MAD1L1: variants seen among roughly 807,000 people sequenced by gnomAD.
MAD1L1 encodes the protein mitotic arrest deficient 1 like 1.
Under a neutral mutation model 96.9 loss-of-function variants are expected in MAD1L1, and 95 were observed. The ratio of observed to expected loss-of-function variants is 0.98; its 90% CI spans 0.83 to 1.16. The LOEUF (loss-of-function observed/expected upper bound fraction) is 1.16. MAD1L1 is among the 50% of genes most tolerant of loss of function. The probability of loss-of-function intolerance (pLI) is 0.00; values close to 1 mark genes in which losing one functional copy is unlikely to be tolerated. For synonymous variants in MAD1L1, 473 were observed against 396.6 expected (o/e 1.19, Z -2.29); for missense variants, 1,007 against 954.4 (o/e 1.06, Z -0.73).
Position 2,115,234 on chromosome 7 carries a change from G to A in MAD1L1, c.1073+33918C>T, listed in dbSNP as rs535006633. Among the ~76,000 whole-genome samples the A allele has an allele frequency of 7.3e-5, 11 of 150,582 alleles. No homozygotes were observed. In the South Asian group the frequency reaches 1.3e-3, roughly 17 times the overall value. On this transcript the variant is annotated intron_variant, in intron 11 of 18. Coordinates refer to ENST00000265854, the MANE Select transcript of MAD1L1 (RefSeq NM_001013836.2). ...CGCATGTTCCGGGGTCAGAGGAGGC[G>A]CTGGACAGGGTCCCCACGTGTTCCA... is the stretch of plus-strand genomic sequence containing the variant.
intron 14 of MAD1L1, among the ~76,000 whole-genome samples, chr7:1,993,454 AGAAAATAACAC>A (rs1781434203): frequency 6.6e-6 from 1 of 151,746 alleles, no homozygotes; most frequent in Admixed American, 6.6e-5. Flanking sequence ...ATTCTGAAAG[AGAAAATAACAC>A]AAAGGTCACG....
At position 2,210,945 on chromosome 7, in the gene MAD1L1, G is replaced by A. The variant is rs541802448; in HGVS notation, c.986+2267C>T. Among the ~76,000 whole-genome samples the A allele has an allele frequency of 3.3e-5, 5 of 152,366 alleles. No homozygotes were observed. The South Asian group carries it at 1.0e-3, about 32-fold the overall frequency. On this transcript the variant is annotated intron_variant, in intron 10 of 18. Transcript: ENST00000265854. Reference sequence around the variant, plus strand: ...ACGTCGGATCTTCACACGCAGTTGGGGAGAAGAGCTCCGTGTCCCCCTTTC... The same window carrying A: ...ACGTCGGATCTTCACACGCAGTTGGAGAGAAGAGCTCCGTGTCCCCCTTTC...
At chr7:1,885,849 G>T (rs1490916486) in intron 18 of MAD1L1, among the ~76,000 whole-genome samples, 1 of 152,236 alleles carries the variant, frequency 6.6e-6, no homozygotes, top group Non-Finnish European at 1.5e-5. Flanking sequence ...CCACTCCTCA[G>T]GAAAGGAATG....
intron 12 of MAD1L1, among the ~76,000 whole-genome samples, chr7:2,022,989 G>A (rs1782851148): frequency 6.6e-6 from 1 of 152,204 alleles, no homozygotes; most frequent in Non-Finnish European, 1.5e-5. Context: ...AAGAAGACAT[G>A]ACCGCCCTTA....
intron 3 of MAD1L1, among the ~76,000 whole-genome samples, chr7:2,228,191 G>A (rs1794007229): frequency 6.6e-6 from 1 of 151,782 alleles, no homozygotes; most frequent in Non-Finnish European, 1.5e-5. Flanking sequence ...GGGCCTCCGA[G>A]CCCCAAGACA....
intron 11 of MAD1L1, among the ~76,000 whole-genome samples, chr7:2,110,915 C>T (rs1787345457): frequency 6.6e-6 from 1 of 152,156 alleles, no homozygotes; most frequent in South Asian, 2.1e-4. Context: ...GATGACGGCG[C>T]GGGCAAACCC....
chr7:2,020,848 A>C (rs1401563327), intron 12 of MAD1L1, among the ~76,000 whole-genome samples: 4 of 152,204 alleles, frequency 2.6e-5, no homozygotes, highest in African/African-American at 9.7e-5. Context: ...AACTTAGAAG[A>C]AAATGTATTA....
At chr7:1,917,790 G>A (rs899363271) in intron 17 of MAD1L1, among the ~76,000 whole-genome samples, 5 of 152,194 alleles carry the variant, frequency 3.3e-5, no homozygotes, top group African/African-American at 1.2e-4. Context: ...GTCATCCTGG[G>A]CACTTCTGCC....
At chr7:2,167,136 C>T (rs569048505) in intron 10 of MAD1L1, among the ~76,000 whole-genome samples, 1 of 152,296 alleles carries the variant, frequency 6.6e-6, no homozygotes, top group Admixed American at 6.5e-5. Flanking sequence ...GGGCAGCATG[C>T]TTCACTGGGC....
chr7:1,866,296 C>T (rs1052586954), intron 18 of MAD1L1, among the ~76,000 whole-genome samples: 13 of 152,186 alleles, frequency 8.5e-5, no homozygotes, highest in African/African-American at 1.7e-4. Context: ...AGGAGATAGA[C>T]GCCTAGGCCC....
intron 16 of MAD1L1, among the ~76,000 whole-genome samples, chr7:1,952,553 C>A (rs1779546744): frequency 6.8e-6 from 1 of 147,758 alleles, no homozygotes; most frequent in Non-Finnish European, 1.5e-5. Context: ...CCCCGCTGTG[C>A]CCTGGCTTAG....
chr7:1,828,799 T>C (rs1159589762), intron 18 of MAD1L1, among the ~76,000 whole-genome samples: 1 of 152,212 alleles, frequency 6.6e-6, no homozygotes, highest in African/African-American at 2.4e-5. Context: ...GACCTAGGGC[T>C]GACCTGACGT....
At chr7:2,047,472 G>C (rs1450879595) in intron 12 of MAD1L1, among the ~76,000 whole-genome samples, 1 of 152,170 alleles carries the variant, frequency 6.6e-6, no homozygotes, top group African/African-American at 2.4e-5. Context: ...TTTGATGATG[G>C]ATGATGTTTA....
At chr7:2,187,894 AC>A (rs1204928968) in intron 10 of MAD1L1, among the ~76,000 whole-genome samples, 1 of 152,246 alleles carries the variant, frequency 6.6e-6, no homozygotes, top group Non-Finnish European at 1.5e-5. Context: ...TTGAAAGAAT[AC>A]AACCACGAGT....
chr7:2,111,638 AG>A (rs144223413), intron 11 of MAD1L1, among the ~76,000 whole-genome samples: 54 of 152,376 alleles, frequency 3.5e-4, no homozygotes, highest in African/African-American at 1.3e-3. Flanking sequence ...TGGGGGCTGC[AG>A]AAAGCACCAC....
At chr7:2,123,641 G>A (rs773452149) in intron 11 of MAD1L1, among the ~76,000 whole-genome samples, 5 of 152,214 alleles carry the variant, frequency 3.3e-5, no homozygotes, top group African/African-American at 7.2e-5. Flanking sequence ...CAGCCCTCAA[G>A]CGAGGACTCA....
chr7:2,007,194 A>T (rs1782069854), intron 13 of MAD1L1, among the ~76,000 whole-genome samples: 1 of 152,214 alleles, frequency 6.6e-6, no homozygotes, highest in Non-Finnish European at 1.5e-5. Context: ...AACGCTGGGC[A>T]CGTCAGTCAC....
In MAD1L1 at chr7:1,941,667, G is replaced by A. The variant is rs1779005372; in HGVS notation, c.1597-4770C>T. On this transcript the variant is annotated intron_variant, in intron 16 of 18. Coordinates refer to ENST00000265854, the MANE Select transcript of MAD1L1 (RefSeq NM_001013836.2). ...CTGCTCTCCCGGAGCCACAGTGTGA[G>A]GCCAAGGTCGGCGCAGGTTCCCGTG... 2.0e-5 allele frequency among the ~76,000 whole-genome samples: 3 copies of A among 152,250 alleles called. No individual in the cohort carries two copies. The South Asian group carries it at 6.2e-4, about 31-fold the overall frequency.
chr7:1,975,584 G>A (rs1409520402), intron 15 of MAD1L1, among the ~76,000 whole-genome samples: 1 of 152,230 alleles, frequency 6.6e-6, no homozygotes, highest in African/African-American at 2.4e-5. Context: ...GGGACTTAGA[G>A]CAGCGGTGTT....
Sources: allele counts gnomAD v4.1 joint callset (sites outside exome capture counted in the v4.1 genomes callset), GRCh38; gene constraint gnomAD v4.1.1; transcripts MANE v1.5; gene names NCBI Gene and HGNC (gene_info 2026-07-23, HGNC 2026-07-21).